Variants in FGF12 observed in about 807,000 individuals in gnomAD.
The protein encoded by FGF12 is fibroblast growth factor 12, also known as fibroblast growth factor 12B.
Under a neutral mutation model 23.6 loss-of-function variants are expected in FGF12, and 14 were observed. The ratio of observed to expected loss-of-function variants is 0.59; its 90% CI spans 0.39 to 0.93. The LOEUF is 0.93. FGF12 is among the 40% of genes least tolerant of loss of function. The pLI is 0.00. For synonymous variants in FGF12, 62 were observed against 77.3 expected, an observed-to-expected ratio of 0.80 and a Z score of 1.04; for missense variants, 175 against 217.8, an observed-to-expected ratio of 0.80 and a Z score of 1.24.
chr3:192,603,264 T>G (rs1714192314), intron 2 of FGF12, among the ~76,000 whole-genome samples: 1 of 152,136 alleles, frequency 6.6e-6, no homozygotes, highest in East Asian at 1.9e-4. Flanking sequence ...GCTGACAGTA[T>G]CATTCTATGC....
intron 2 of FGF12, among the ~76,000 whole-genome samples, chr3:192,710,823 CAGG>C (rs1334102864): frequency 6.6e-6 from 1 of 152,192 alleles, no homozygotes; most frequent in Admixed American, 6.5e-5. Context: ...CACTGAAAAT[CAGG>C]AGATTAAGTG....
intron 2 of FGF12, among the ~76,000 whole-genome samples, chr3:192,504,112 C>A (rs974500640): frequency 1.3e-5 from 2 of 152,040 alleles, no homozygotes; most frequent in Non-Finnish European, 2.9e-5. Flanking sequence ...ACTGCATGTT[C>A]TCACTTATAA....
chr3:192,480,016 G>A (rs1374416497), intron 2 of FGF12, among the ~76,000 whole-genome samples: 1 of 151,922 alleles, frequency 6.6e-6, no homozygotes, highest in Non-Finnish European at 1.5e-5. Flanking sequence ...GGGGGCTGGA[G>A]GAGGGGGGAA....
At chr3:192,725,107 T>C (rs1352753697) in intron 2 of FGF12, among the ~76,000 whole-genome samples, 1 of 152,194 alleles carries the variant, frequency 6.6e-6, no homozygotes, top group Non-Finnish European at 1.5e-5. Context: ...TAATACACTC[T>C]TTTTGGCTGG....
At chr3:192,674,643 A>G (rs1293685437) in intron 2 of FGF12, among the ~76,000 whole-genome samples, 1 of 152,226 alleles carries the variant, frequency 6.6e-6, no homozygotes, top group African/African-American at 2.4e-5. Flanking sequence ...TAGATGAATA[A>G]AAGTTTCTGT....
rs368384384 is a variant in FGF12 at position 192,514,403 on chromosome 3, G to A, written c.14-153865C>T. Among the ~76,000 whole-genome samples, 1 of 152,216 alleles carries A rather than the reference G, an allele frequency of 6.6e-6. No homozygotes were observed. Among genetic ancestry groups the A allele is most frequent in the African/African-American group, 2.4e-5 (1 of 41,460 alleles). On this transcript the variant is annotated intron_variant, in intron 2 of 5. Transcript: ENST00000445105. The surrounding 1 kb of genome is among the most constrained non-coding windows in gnomAD (Gnocchi z 4.9). ...TCACGGCCAGCGCCGCTTGGAGAGA[G>A]ACCCGCAGGTTTCAGCCCAGGCGCG...
At chr3:192,330,795 G>T (rs1717075127) in intron 4 of FGF12, among the ~76,000 whole-genome samples, 1 of 152,014 alleles carries the variant, frequency 6.6e-6, no homozygotes, top group Admixed American at 6.6e-5. Context: ...ACTGGATTTG[G>T]CAACTATATC....
intron 2 of FGF12, among the ~76,000 whole-genome samples, chr3:192,392,729 T>C (rs1720362095): frequency 6.6e-6 from 1 of 152,022 alleles, no homozygotes; most frequent in African/African-American, 2.4e-5. Context: ...CCCACGACCT[T>C]TTTAAGATAA....
In FGF12 at chr3:192,281,898, T is replaced by C. The variant is rs191714353; in HGVS notation, c.228+53463A>G. On this transcript the variant is annotated intron_variant, in intron 4 of 5. Transcript: ENST00000445105. ...CCTGATTATACTGCAGATGCTAGTA[T>C]GAAAATGTCTACTTGGAGATTTCCT... 2.6e-4 allele frequency among the ~76,000 whole-genome samples: 39 copies of C among 152,284 alleles called. No homozygotes were observed. In the East Asian group the frequency reaches 6.6e-3, roughly 26 times the overall value.
intron 2 of FGF12, among the ~76,000 whole-genome samples, chr3:192,634,538 G>A (rs975675386): frequency 2.0e-5 from 3 of 152,020 alleles, no homozygotes; most frequent in Admixed American, 2.0e-4. Context: ...TGGATACTGA[G>A]GGATGACTAT....
chr3:192,725,928 T>C (rs1274137239), intron 2 of FGF12, among the ~76,000 whole-genome samples: 1 of 152,204 alleles, frequency 6.6e-6, no homozygotes, highest in African/African-American at 2.4e-5. Flanking sequence ...TTGTCAGACG[T>C]GGAGATGCCC....
At chr3:192,481,027 A>G (rs1425137546) in intron 2 of FGF12, among the ~76,000 whole-genome samples, 1 of 152,204 alleles carries the variant, frequency 6.6e-6, no homozygotes, top group Admixed American at 6.6e-5. Context: ...AATGCCCTGT[A>G]TGCTTAATTT....
intron 2 of FGF12, among the ~76,000 whole-genome samples, chr3:192,634,095 A>C (rs1715493267): frequency 1.3e-5 from 2 of 152,102 alleles, no homozygotes; most frequent in African/African-American, 4.8e-5. Context: ...TACGAAACAA[A>C]ATGTAATTTT....
At chr3:192,230,499 G>A (rs1232493257) in intron 4 of FGF12, among the ~76,000 whole-genome samples, 2 of 152,116 alleles carry the variant, frequency 1.3e-5, no homozygotes, top group Admixed American at 6.6e-5. Context: ...AAACAGTGAT[G>A]ACAGTATCAT....
intron 2 of FGF12, among the ~76,000 whole-genome samples, chr3:192,633,488 A>ACGGAAAAGATTCCC (rs1189479483): frequency 1.3e-5 from 2 of 152,202 alleles, no homozygotes; most frequent in African/African-American, 4.8e-5. Flanking sequence ...ATTCATCACT[A>ACGGAAAAGATTCCC]CGGAAGAGTT....
At chr3:192,712,450 T>C (rs1033726843) in intron 2 of FGF12, among the ~76,000 whole-genome samples, 5 of 151,612 alleles carry the variant, frequency 3.3e-5, no homozygotes, top group Non-Finnish European at 7.4e-5. Flanking sequence ...GGCAAATTAC[T>C]ATCAATTTTC....
chr3:192,429,672 C>A (rs1226807810), intron 2 of FGF12, among the ~76,000 whole-genome samples: 8 of 152,144 alleles, frequency 5.3e-5, no homozygotes, highest in African/African-American at 1.9e-4. Flanking sequence ...GTTTAAACCA[C>A]AATGTATGTT....
chr3:192,565,860 G>A (rs532868632), intron 2 of FGF12, among the ~76,000 whole-genome samples: 29 of 152,336 alleles, frequency 1.9e-4, no homozygotes, highest in African/African-American at 6.7e-4. Context: ...GCTGAGGCAG[G>A]CAGATCACCT....
chr3:192,719,390 A>G (rs1368863559), intron 2 of FGF12, among the ~76,000 whole-genome samples: 1 of 152,174 alleles, frequency 6.6e-6, no homozygotes, highest in Admixed American at 6.5e-5. Flanking sequence ...ATTGTTATTG[A>G]GGGTCTTGCT....
Sources: allele counts gnomAD v4.1 joint callset (sites outside exome capture counted in the v4.1 genomes callset), GRCh38; gene constraint gnomAD v4.1.1; non-coding constraint Gnocchi (gnomAD v3.1); transcripts MANE v1.5; gene names NCBI Gene and HGNC (gene_info 2026-07-23, HGNC 2026-07-21).